ADCY10: variants seen among roughly 807,000 people sequenced by gnomAD.
The protein encoded by ADCY10 is adenylate cyclase 10, also known as adenylate cyclase type 10.
Under a neutral mutation model 183.3 loss-of-function variants are expected in ADCY10, and 156 were observed. The observed-to-expected ratio is 0.85, with a 90% CI of 0.75 to 0.97. ADCY10 has a LOEUF of 0.97. Ranked by LOEUF, ADCY10 falls within the 50% of genes least tolerant of loss-of-function variation. The pLI is 0.00. For synonymous variants in ADCY10, 645 were observed against 670.0 expected (o/e 0.96, Z 0.58); for missense variants, 1,745 against 1,934.3 (o/e 0.90, Z 1.84).
intron 12 of ADCY10, among the ~76,000 whole-genome samples, chr1:167,875,731 A>G (rs1257820564): frequency 6.6e-6 from 1 of 152,178 alleles, no homozygotes; most frequent in African/African-American, 2.4e-5. Context: ...TGGGCAGATC[A>G]CGAGGTCAGG....
chr1:167,824,738 C>T lies in ADCY10; in HGVS notation c.3868G>A (p.Glu1290Lys), dbSNP rs571479040. Residue 1290 changes from glutamate (E) to lysine (K), a missense_variant, in exon 27 of 33, where the codon GAG (glutamate) becomes AAG (lysine). By Grantham distance (56) the Glu-to-Lys change is moderately conservative (BLOSUM62 1). Transcript: ENST00000367851. The stretch of plus-strand genomic sequence containing the variant: ...ACGTATGCCACGATTTCAATGCCCT[C>T]GCCTTTCAGGGGGAGGTTGAAGATG... ...EHIFNLPLKG[E>K]GIEIVAYVAE... 145 of 1,614,102 alleles carry T rather than the reference C, an allele frequency of 9.0e-5. 2 individuals are homozygous for T. Among genetic ancestry groups the T allele is most frequent in the Admixed American group, 8.5e-4 (51 of 60,004 alleles).
chr1:167,893,384 T>G (rs967965151), intron 8 of ADCY10, among the ~76,000 whole-genome samples: 22 of 152,122 alleles, frequency 1.4e-4, no homozygotes, highest in Admixed American at 1.3e-4. Flanking sequence ...TATTGAGATT[T>G]GAACAATGAA....
chr1:167,857,903 A>G (rs1003299962), intron 16 of ADCY10, among the ~76,000 whole-genome samples: 2 of 152,356 alleles, frequency 1.3e-5, no homozygotes, highest in Admixed American at 1.3e-4. Flanking sequence ...AAACAAAAGC[A>G]AACAACTAAA....
chr1:167,863,499 T>G (rs867247395), intron 14 of ADCY10, among the ~76,000 whole-genome samples: 1 of 151,828 alleles, frequency 6.6e-6, no homozygotes, highest in Non-Finnish European at 1.5e-5. Flanking sequence ...CTGCCGATTC[T>G]CCCAGCTGAT....
chr1:167,884,133 T>A (rs1183367076), intron 8 of ADCY10, among the ~76,000 whole-genome samples: 2 of 152,220 alleles, frequency 1.3e-5, no homozygotes, highest in Non-Finnish European at 2.9e-5. Flanking sequence ...TAGTTATTTT[T>A]AAAATGTATG....
At chr1:167,893,021 G>A (rs1668705931) in intron 8 of ADCY10, among the ~76,000 whole-genome samples, 1 of 152,116 alleles carries the variant, frequency 6.6e-6, no homozygotes, top group Admixed American at 6.5e-5. Context: ...CAGAGTGACT[G>A]GCATATGGTG....
chr1:167,909,697 C>A (rs568182723), intron 1 of ADCY10, among the ~76,000 whole-genome samples: 6 of 152,118 alleles, frequency 3.9e-5, no homozygotes, highest in Non-Finnish European at 5.9e-5. Context: ...TGCTAAACAG[C>A]TTTCCAAAGT....
At chr1:167,868,606 C>T (rs114214023) in intron 14 of ADCY10, among the ~76,000 whole-genome samples, 526 of 144,306 alleles carry the variant, frequency 3.6e-3, no homozygotes, top group African/African-American at 0.014. Flanking sequence ...ATAGAACCTA[C>T]GCTAAGCTGC....
At chr1:167,818,044 A>T in intron 31 of ADCY10, 28 bp downstream of exon 31, 2 of 1,603,158 alleles carry the variant, frequency 1.2e-6, no homozygotes, top group Non-Finnish European at 1.7e-6. Flanking sequence ...GGCATATTTT[A>T]TACTGGAAAC....
intron 30 of ADCY10, chr1:167,820,522 AT>A (rs1394493373): frequency 5.4e-6 from 2 of 367,790 alleles, no homozygotes; most frequent in Non-Finnish European, 4.8e-6. Flanking sequence ...AATTTGGATG[AT>A]TTCTGGACTT....
intron 19 of ADCY10, among the ~76,000 whole-genome samples, chr1:167,846,944 G>A (rs1486854371): frequency 7.0e-6 from 1 of 141,882 alleles, no homozygotes; most frequent in South Asian, 2.2e-4. Context: ...TTTTTTTTTT[G>A]AGATGGAGTC....
intron 30 of ADCY10, among the ~76,000 whole-genome samples, chr1:167,821,622 T>TA (rs1426504711): frequency 3.3e-5 from 5 of 152,238 alleles, no homozygotes; most frequent in Non-Finnish European, 5.9e-5. Flanking sequence ...TTCGTGAAGA[T>TA]ATAAGCCATG....
chr1:167,883,293 C>T (rs990841500), intron 9 of ADCY10, 144 bp downstream of exon 9: 5 of 867,808 alleles, frequency 5.8e-6, no homozygotes, highest in Admixed American at 1.9e-5. Flanking sequence ...CCACCTCTGC[C>T]TCCCAAAGAG....
At chr1:167,856,815 G>A (rs1665941263) in intron 16 of ADCY10, among the ~76,000 whole-genome samples, 1 of 152,152 alleles carries the variant, frequency 6.6e-6, no homozygotes. Flanking sequence ...CAGTTGTCCT[G>A]GGGAAATCTA....
In ADCY10 at chr1:167,824,564, C is replaced by T; in HGVS notation, c.3964G>A (p.Ala1322Thr). ...TGGAGCAGTGCCCACATCTGAAGGG[C>T]TCGGGAGCCTGGGAAGAAAACAATT... Reference protein sequence around the residue: ...LDLAIELGSRALQMWALLQNP... With the variant: ...LDLAIELGSRTLQMWALLQNP... The change falls in exon 28 of 33, where the codon GCC becomes ACC. Residue 1322 changes from alanine (A) to threonine (T), a missense_variant. Coordinates refer to ENST00000367851, the MANE Select transcript of ADCY10 (RefSeq NM_018417.6). 6.2e-7 allele frequency: 1 copy of T among 1,614,204 alleles called. No individual in the cohort carries two copies. Among genetic ancestry groups the T allele is most frequent in the South Asian group, 1.1e-5 (1 of 91,086 alleles).
intron 26 of ADCY10, among the ~76,000 whole-genome samples, chr1:167,828,573 G>A (rs1394270937): frequency 3.3e-5 from 5 of 152,164 alleles, no homozygotes; most frequent in Admixed American, 6.5e-5. Context: ...TTAATACAAT[G>A]CCACATTTCC....
At chr1:167,840,520 C>T (rs889005775) in intron 21 of ADCY10, among the ~76,000 whole-genome samples, 1 of 151,998 alleles carries the variant, frequency 6.6e-6, no homozygotes, top group Non-Finnish European at 1.5e-5. Flanking sequence ...CCATGCCTGG[C>T]TAATTTTTTG....
At chr1:167,879,727 C>A (rs1306161769) in intron 11 of ADCY10, among the ~76,000 whole-genome samples, 7 of 152,128 alleles carry the variant, frequency 4.6e-5, no homozygotes, top group Non-Finnish European at 1.0e-4. Flanking sequence ...ATAAGATTTA[C>A]TTATTACTAC....
At chr1:167,884,328 G>A (rs554382691) in intron 8 of ADCY10, among the ~76,000 whole-genome samples, 1 of 152,234 alleles carries the variant, frequency 6.6e-6, no homozygotes, top group Non-Finnish European at 1.5e-5. Flanking sequence ...GGCCAGAGGA[G>A]AGCAGGGGGA....
Sources: allele counts gnomAD v4.1 joint callset (sites outside exome capture counted in the v4.1 genomes callset), GRCh38; gene constraint gnomAD v4.1.1; transcripts MANE v1.5; gene names NCBI Gene and HGNC (gene_info 2026-07-23, HGNC 2026-07-21).